The following ZNF891 variants were observed in gnomAD, a reference collection of about 807,000 sequenced individuals.
ZNF891 encodes zinc finger protein 891.
For synonymous variants in ZNF891, 199 were observed against 209.0 expected (o/e 0.95, Z 0.41); for missense variants, 589 against 632.7 (o/e 0.93, Z 0.74).
In ZNF891 at chr12:133,105,532, C is replaced by CAAAG. The variant is rs1955560834; in HGVS notation, c.*14748_*14751dup. ...CAGTTTCAGAGTCAAGTGGTGAGAT[C>CAAAG]AAAGACTTTTCACCAAAAAATGTCA... On this transcript the variant is annotated 3_prime_UTR_variant, in exon 2 of 2. Transcript: ENST00000537226. The CAAAG allele has an allele frequency of 6.2e-7, 1 of 1,608,190 alleles. No homozygotes were observed. Among genetic ancestry groups the CAAAG allele is most frequent in the Non-Finnish European group, 8.5e-7 (1 of 1,177,848 alleles).
rs148042920 is a variant in ZNF891, at chr12:133,122,728, TTAGAA to T, written c.-106-709_-106-705del. On this transcript the variant is annotated intron_variant, in intron 1 of 1. Transcript: ENST00000537226. ...GCATTCTGCACATGTACCCTAGAAC[TTAGAA>T]TAAAGAAACAGATGTTCATTTGATT... Among the ~76,000 whole-genome samples, 347 of 152,278 alleles carry T rather than the reference TTAGAA, an allele frequency of 2.3e-3. 1 individual carries two copies. Among genetic ancestry groups the T allele is most frequent in the African/African-American group, 8.1e-3 (336 of 41,550 alleles).
At position 133,111,864 on chromosome 12, in the gene ZNF891, AAAG is replaced by A. The variant is rs1955684727; in HGVS notation, c.*8417_*8419del. On this transcript the variant is annotated 3_prime_UTR_variant, in exon 2 of 2. Coordinates refer to ENST00000537226, the MANE Select transcript of ZNF891 (RefSeq NM_001277291.2). Reference sequence around the variant, plus strand: ...TAAAAAATAAAGAAAAATAAATAAAAAAGTGAATGCTAAGGAAATTAGTTTTTG... The same window carrying A: ...TAAAAAATAAAGAAAAATAAATAAAATGAATGCTAAGGAAATTAGTTTTTG... 3 of 152,202 alleles carry A rather than the reference AAAG, an allele frequency of 2.0e-5. No homozygotes were observed. The highest frequency in any genetic ancestry group is 7.2e-5 in the African/African-American group (3 of 41,468). 9.4% of individuals were successfully genotyped at this position (152,202 alleles called of 1,614,324 possible). A position where few individuals can be genotyped will look rare whatever the true frequency, so the allele number is the denominator to read the frequency against.
rs1354071190 is a variant in ZNF891 at position 133,108,031 on chromosome 12, T to A, written c.*12253A>T. On this transcript the variant is annotated 3_prime_UTR_variant, in exon 2 of 2. Coordinates refer to ENST00000537226, the MANE Select transcript of ZNF891 (RefSeq NM_001277291.2). ...AGTTCTAAATACATTATCAGAAGTGTATTTCCTCAAACCTGCCATTGGCAT... is the reference window on the plus strand; with the variant it reads ...AGTTCTAAATACATTATCAGAAGTGAATTTCCTCAAACCTGCCATTGGCAT... The A allele has an allele frequency of 6.6e-6, 1 of 152,202 alleles. No homozygotes were observed. Among genetic ancestry groups the A allele is most frequent in the Non-Finnish European group, 1.5e-5 (1 of 68,026 alleles). 9.4% of individuals were successfully genotyped at this position (152,202 alleles called of 1,614,324 possible). A position where few individuals can be genotyped will look rare whatever the true frequency, so the allele number is the denominator to read the frequency against.
In ZNF891 at chr12:133,121,257, G is replaced by A. The variant is rs1253067056; in HGVS notation, c.662C>T (p.Ser221Leu). The A allele has an allele frequency of 5.9e-6, 9 of 1,535,508 alleles. No individual in the cohort carries two copies. In the Admixed American group the frequency reaches 9.8e-5, roughly 17 times the overall value. Residue 221 changes from serine (S) to leucine (L), a missense_variant, in exon 2 of 2, where the codon TCA becomes TTA. Ser to Leu is a moderately radical substitution (Grantham distance 145). Transcript: ENST00000537226. ...ATTGTGTTTCAAACATCCAATCTCT[G>A]AGTAACATTTTTGGCAATGTTTACT... ...FTSKHCQKCY[S>L]EIGCLKHNSI...
In ZNF891 at chr12:133,121,238, T is replaced by C. The variant is rs1259373855; in HGVS notation, c.681A>G (p.Lys227=). ...CATAATTGTTTATGATTGAATTGTG[T>C]TTCAAACATCCAATCTCTGAGTAAC... ...QKCYSEIGCL[K]HNSIINNYVK... The change falls in exon 2 of 2, where the codon AAA becomes AAG. Residue 227 remains lysine, a synonymous_variant. Coordinates refer to ENST00000537226, the MANE Select transcript of ZNF891 (RefSeq NM_001277291.2). The C allele has an allele frequency of 2.6e-6, 4 of 1,535,556 alleles. No individual in the cohort carries two copies. In the South Asian group the frequency reaches 4.8e-5, roughly 18 times the overall value.
chr12:133,126,656 CA>C (rs36042670), intron 1 of ZNF891, among the ~76,000 whole-genome samples: 103 of 124,010 alleles, frequency 8.3e-4, no homozygotes, highest in Admixed American at 1.2e-3. Context: ...AATAAAAATA[CA>C]AAAAAAAAAA....
intron 1 of ZNF891, among the ~76,000 whole-genome samples, chr12:133,128,407 G>A (rs777911062): frequency 6.6e-6 from 1 of 152,160 alleles, no homozygotes; most frequent in Non-Finnish European, 1.5e-5. Flanking sequence ...CAAGGCGGGC[G>A]GATTGCCTGA....
chr12:133,121,429 G>C lies in ZNF891; in HGVS notation c.490C>G (p.Gln164Glu), dbSNP rs1233013807. The C allele has an allele frequency of 9.1e-6, 14 of 1,536,098 alleles. No homozygotes were observed. The highest frequency in any genetic ancestry group is 1.2e-5 in the Non-Finnish European group (14 of 1,146,888). The stretch of plus-strand genomic sequence containing the variant: ...CAATGTCCCCCTGGAATCTTATGCT[G>C]TTTTCTGATCTTATGGCATTCCCAG... ...EDWECHKIRK[Q>E]HKIPGGHWRQ... Residue 164 changes from glutamine (Q) to glutamate (E), a missense_variant, in exon 2 of 2, where the codon CAG becomes GAG. Gln to Glu is a conservative substitution (Grantham distance 29, BLOSUM62 2). Coordinates refer to ENST00000537226, the MANE Select transcript of ZNF891 (RefSeq NM_001277291.2).
chr12:133,130,001 C>T (rs1955859285), intron 1 of ZNF891, among the ~76,000 whole-genome samples: 1 of 152,174 alleles, frequency 6.6e-6, no homozygotes, highest in South Asian at 2.1e-4. Context: ...CCCGGGACCC[C>T]TCCGCCCCGC....
At position 133,114,830 on chromosome 12, in the gene ZNF891, G is replaced by A. The variant is rs950740947; in HGVS notation, c.*5454C>T. 6.6e-6 allele frequency: 1 copy of A among 152,158 alleles called. No individual in the cohort carries two copies. Among genetic ancestry groups the A allele is most frequent in the African/African-American group, 2.4e-5 (1 of 41,456 alleles). The allele number at this position is 152,158 out of a possible 1,614,324, so 9.4% of individuals were successfully genotyped here. The stretch of plus-strand genomic sequence containing the variant: ...GAGTTTGAGCAAGGTCTTGTAAAAA[G>A]ATTTTATCTTAACTGGAGAAAAAGG... On this transcript the variant is annotated 3_prime_UTR_variant, in exon 2 of 2. Coordinates refer to ENST00000537226, the MANE Select transcript of ZNF891 (RefSeq NM_001277291.2).
rs1365674924 is a variant in ZNF891, at chr12:133,113,531, T to C, written c.*6753A>G. On this transcript the variant is annotated 3_prime_UTR_variant, in exon 2 of 2. Coordinates refer to ENST00000537226, the MANE Select transcript of ZNF891 (RefSeq NM_001277291.2). The stretch of plus-strand genomic sequence containing the variant: ...ATTTTAATGACTGCATTATATTCCA[T>C]TTTATTGACTGTTACTGGGAATTTA... The C allele has an allele frequency of 3.3e-5, 5 of 152,234 alleles. No homozygotes were observed. The highest frequency in any genetic ancestry group is 7.3e-5 in the Non-Finnish European group (5 of 68,028). The allele number at this position is 152,234 out of a possible 1,614,324, so 9.4% of individuals were successfully genotyped here.
chr12:133,106,479 T>C lies in ZNF891; in HGVS notation c.*13805A>G, dbSNP rs756172764. 2 of 1,614,164 alleles carry C rather than the reference T, an allele frequency of 1.2e-6. No homozygotes were observed. The highest frequency in any genetic ancestry group is 1.7e-6 in the Non-Finnish European group (2 of 1,180,004). On this transcript the variant is annotated 3_prime_UTR_variant, in exon 2 of 2. Transcript: ENST00000537226. ...GCCTTCAGCCGGAGCTTTTCCCTCATTCTACATCAGAGAACTCATACTGGA... is the reference window on the plus strand; with the variant it reads ...GCCTTCAGCCGGAGCTTTTCCCTCACTCTACATCAGAGAACTCATACTGGA...
intron 1 of ZNF891, among the ~76,000 whole-genome samples, chr12:133,126,372 T>C (rs1306288183): frequency 6.9e-6 from 1 of 144,106 alleles, no homozygotes; most frequent in Non-Finnish European, 1.5e-5. Context: ...TACACGGGAG[T>C]GTGAGGCAGG....
At position 133,121,518 on chromosome 12, in the gene ZNF891, G is replaced by A. The variant is rs903428105; in HGVS notation, c.401C>T (p.Pro134Leu). Reference sequence around the variant, plus strand: ...TTTTATCATTTTCACTGCATTGGATGGTTCCTCCCACAAAATTTTCTGCAC... The same window carrying A: ...TTTTATCATTTTCACTGCATTGGATAGTTCCTCCCACAAAATTTTCTGCAC... Reference protein sequence around the residue: ...STVQKILWEEPSNAVKMIKLT... With the variant: ...STVQKILWEELSNAVKMIKLT... The change falls in exon 2 of 2, where the codon CCA becomes CTA. Residue 134 changes from proline to leucine, a missense_variant. By Grantham distance (98) the Pro-to-Leu change is moderately conservative. Transcript: ENST00000537226. 3.9e-6 allele frequency: 6 copies of A among 1,536,228 alleles called. 1 individual carries two copies. The Middle Eastern group carries it at 8.3e-4, about 214-fold the overall frequency.
rs73427927 is a variant in ZNF891, at chr12:133,127,746, C to A, written c.-107+2481G>T. On this transcript the variant is annotated intron_variant, in intron 1 of 1. Coordinates refer to ENST00000537226, the MANE Select transcript of ZNF891 (RefSeq NM_001277291.2). ...AAAGGGAAGCCCAGTGGTATGCCAG[C>A]GTGCTGCATGCCTACAGAGTAACTG... Among the ~76,000 whole-genome samples the A allele has an allele frequency of 4.2e-3, 646 of 152,284 alleles. 4 individuals are homozygous for A. The highest frequency in any genetic ancestry group is 0.015 in the African/African-American group (624 of 41,550).
At chr12:133,123,915 T>C (rs1397775410) in intron 1 of ZNF891, among the ~76,000 whole-genome samples, 7 of 152,046 alleles carry the variant, frequency 4.6e-5, no homozygotes, top group Non-Finnish European at 7.4e-5. Context: ...TACTAAACAA[T>C]AGGAAAAAAT....
chr12:133,120,280 A>G lies in ZNF891; in HGVS notation c.*4T>C. On this transcript the variant is annotated 3_prime_UTR_variant, in exon 2 of 2. Coordinates refer to ENST00000537226, the MANE Select transcript of ZNF891 (RefSeq NM_001277291.2). The stretch of plus-strand genomic sequence containing the variant: ...TGAAAACAGCAATTCCACATTCATA[A>G]CACTTACAGGGTTTCTCTCTCAGTA... 6.6e-7 allele frequency: 1 copy of G among 1,521,078 alleles called. No homozygotes were observed. The highest frequency in any genetic ancestry group is 8.8e-7 in the Non-Finnish European group (1 of 1,136,168). 94.2% of individuals were successfully genotyped at this position (1,521,078 alleles called of 1,614,324 possible). A position where few individuals can be genotyped will look rare whatever the true frequency, so the allele number is the denominator to read the frequency against.
At chr12:133,123,763 G>GAAAT (rs1955787621) in intron 1 of ZNF891, among the ~76,000 whole-genome samples, 1 of 141,042 alleles carries the variant, frequency 7.1e-6, no homozygotes, top group Admixed American at 7.1e-5. Context: ...CAACAACAAA[G>GAAAT]TTAGGCTTCC....
At position 133,105,737 on chromosome 12, in the gene ZNF891, A is replaced by G. The variant is rs1015675891; in HGVS notation, c.*14547T>C. ...AGAAGCCCTGGCTCAACATATGAATATCAGTACTGTGGAGAGGCCCTATGG... is the reference window on the plus strand; with the variant it reads ...AGAAGCCCTGGCTCAACATATGAATGTCAGTACTGTGGAGAGGCCCTATGG... On this transcript the variant is annotated 3_prime_UTR_variant, in exon 2 of 2. Transcript: ENST00000537226. 1.4e-5 allele frequency: 23 copies of G among 1,614,078 alleles called. No individual in the cohort carries two copies. Among genetic ancestry groups the G allele is most frequent in the Admixed American group, 3.3e-5 (2 of 60,004 alleles).
Sources: allele counts gnomAD v4.1 joint callset (sites outside exome capture counted in the v4.1 genomes callset), GRCh38; gene constraint gnomAD v4.1.1; transcripts MANE v1.5; gene names NCBI Gene and HGNC (gene_info 2026-07-23, HGNC 2026-07-21).